EHMT1: variants seen among roughly 807,000 people sequenced by gnomAD.
The protein encoded by EHMT1 is euchromatic histone lysine methyltransferase 1, also known as histone-lysine N-methyltransferase EHMT1.
Under a neutral mutation model 147.2 loss-of-function variants are expected in EHMT1, and 15 were observed. The observed-to-expected ratio is 0.10, with a 90% CI of 0.07 to 0.16. The LOEUF (loss-of-function observed/expected upper bound fraction) is 0.16, where lower values mean the gene tolerates loss of function less well. EHMT1 is among the 10% of genes least tolerant of loss of function. The pLI is 1.00. For missense variants in EHMT1, 1,587 were observed against 1,772.4 expected, an observed-to-expected ratio of 0.90 and a Z score of 1.88; for synonymous variants, 795 against 709.6, an observed-to-expected ratio of 1.12 and a Z score of -1.91.
intron 1 of EHMT1, among the ~76,000 whole-genome samples, chr9:137,640,301 G>T (rs971509153): frequency 1.3e-5 from 2 of 151,942 alleles, no homozygotes; most frequent in Non-Finnish European, 1.5e-5. Flanking sequence ...GTGTTTTAGA[G>T]ACCTGGTCTT....
At chr9:137,651,986 A>G (rs182566741) in intron 1 of EHMT1, among the ~76,000 whole-genome samples, 2 of 152,340 alleles carry the variant, frequency 1.3e-5, no homozygotes, top group Admixed American at 1.3e-4. Context: ...CTCCTATGTT[A>G]CTGGTGTATG....
At chr9:137,639,830 G>T (rs1215738046) in intron 1 of EHMT1, among the ~76,000 whole-genome samples, 1 of 152,134 alleles carries the variant, frequency 6.6e-6, no homozygotes, top group Non-Finnish European at 1.5e-5. Flanking sequence ...AGACTGCAAG[G>T]ATGTCTGTTG....
At chr9:137,621,634 A>C (rs1407524198) in intron 1 of EHMT1, among the ~76,000 whole-genome samples, 1 of 152,098 alleles carries the variant, frequency 6.6e-6, no homozygotes, top group Non-Finnish European at 1.5e-5. Flanking sequence ...AAGAAAAAAA[A>C]CTACTGAGGT....
chr9:137,717,249 A>T, intron 3 of EHMT1, 67 bp downstream of exon 3: 1 of 1,570,792 alleles, frequency 6.4e-7, no homozygotes, highest in Non-Finnish European at 8.6e-7. Context: ...CGGCAAATGG[A>T]CTTTGGTGCA....
intron 18 of EHMT1, among the ~76,000 whole-genome samples, chr9:137,807,163 TTTCCAGTA>T: frequency 6.6e-6 from 1 of 152,352 alleles, no homozygotes; most frequent in African/African-American, 2.4e-5. Context: ...CCCACCACGC[TTTCCAGTA>T]TTCCAGCTGT....
chr9:137,704,634 A>G (rs1944099091), intron 1 of EHMT1, among the ~76,000 whole-genome samples: 1 of 151,840 alleles, frequency 6.6e-6, no homozygotes, highest in Non-Finnish European at 1.5e-5. Context: ...GCTGCTTGGT[A>G]TCCTCTCTTC....
chr9:137,724,277 C>T (rs1183035346), intron 3 of EHMT1, among the ~76,000 whole-genome samples: 1 of 152,048 alleles, frequency 6.6e-6, no homozygotes, highest in Non-Finnish European at 1.5e-5. Context: ...CACCGCCCCA[C>T]CCCCGCCCTG....
At chr9:137,657,796 C>T (rs1375378444) in intron 1 of EHMT1, among the ~76,000 whole-genome samples, 1 of 151,918 alleles carries the variant, frequency 6.6e-6, no homozygotes. Context: ...ATTTCTACCC[C>T]CACTCCCCAC....
chr9:137,759,020 G>A (rs912300247), intron 9 of EHMT1, among the ~76,000 whole-genome samples: 5 of 151,946 alleles, frequency 3.3e-5, no homozygotes, highest in East Asian at 1.9e-4. Context: ...CCAGCTACTC[G>A]GGAGGCTGAG....
At chr9:137,736,618 C>T (rs79032966) in intron 4 of EHMT1, among the ~76,000 whole-genome samples, 4,384 of 152,330 alleles carry the variant, frequency 0.029, 77 homozygotes, top group Middle Eastern at 0.061. Context: ...GAGCCGGGCG[C>T]GATGGCGCAC....
chr9:137,788,040 G>A, intron 15 of EHMT1: 1 of 1,370,988 alleles, frequency 7.3e-7, no homozygotes, highest in Non-Finnish European at 1.0e-6. Flanking sequence ...GAGGGTTGAG[G>A]GCCTGATGGC....
chr9:137,809,038 A>G (rs1954187527), intron 18 of EHMT1, among the ~76,000 whole-genome samples: 1 of 152,216 alleles, frequency 6.6e-6, no homozygotes, highest in African/African-American at 2.4e-5. Context: ...TCTGAAATGT[A>G]TGGAGGAGGG....
intron 1 of EHMT1, chr9:137,664,852 GT>G (rs1269057274): frequency 6.6e-6 from 1 of 152,200 alleles, no homozygotes; most frequent in African/African-American, 2.4e-5. Flanking sequence ...TGAACTTGGA[GT>G]CCCATGTCTG....
In EHMT1 at chr9:137,835,071, T is replaced by C; in HGVS notation, c.*118T>C. ...GGTCCTTCGGGGCTGCGCCGCCGGC[T>C]TCCTGGAGGGGTCGGAGGTGAGGCT... On this transcript the variant is annotated 3_prime_UTR_variant, in exon 27 of 27. Transcript: ENST00000460843. 1.6e-6 allele frequency: 2 copies of C among 1,213,016 alleles called. No individual in the cohort carries two copies. The highest frequency in any genetic ancestry group is 2.1e-6 in the Non-Finnish European group (2 of 941,534). The allele number at this position is 1,213,016 out of a possible 1,614,324, so 75.1% of individuals were successfully genotyped here. A position where few individuals can be genotyped will look rare whatever the true frequency, so the allele number is the denominator to read the frequency against.
In EHMT1 at chr9:137,775,074, C is replaced by T; in HGVS notation, c.1648-35C>T. 1 of 1,613,926 alleles carries T rather than the reference C, an allele frequency of 6.2e-7. No homozygotes were observed. The highest frequency in any genetic ancestry group is 8.5e-7 in the Non-Finnish European group (1 of 1,180,008). On this transcript the variant is annotated intron_variant, in intron 10 of 26. Transcript: ENST00000460843. This position sits in a 1 kb window ranked among gnomAD's most constrained non-coding sequence, Gnocchi z 6.1. ...GGGAGGGAATGCCGGCCTCTCGTGA[C>T]TCTGACATTGACCACCAGTCTTGTC...
intron 19 of EHMT1, 148 bp downstream of exon 19, chr9:137,811,763 C>G: frequency 9.2e-7 from 1 of 1,088,128 alleles, no homozygotes; most frequent in Non-Finnish European, 1.4e-6. Flanking sequence ...CTTGGTGTTC[C>G]ACACGCAGAG....
rs201749914 is a variant in EHMT1 at position 137,776,579 on chromosome 9, A to G, written c.1792-39A>G. On this transcript the variant is annotated intron_variant, in intron 11 of 26. Coordinates refer to ENST00000460843, the MANE Select transcript of EHMT1 (RefSeq NM_024757.5). This position sits in a 1 kb window ranked among gnomAD's most constrained non-coding sequence, Gnocchi z 4.4. ...CTTTATTTTTCTAAATATTAACCCC[A>G]ATTAAAACAAAAATTTTTTTTTGTC... The G allele has an allele frequency of 3.3e-4, 526 of 1,608,524 alleles. 4 individuals carry two copies. The East Asian group carries it at 0.01, about 31-fold the overall frequency.
Position 137,732,753 on chromosome 9 carries a change from A to G in EHMT1, c.823+4224A>G, listed in dbSNP as rs770195345. The stretch of plus-strand genomic sequence containing the variant: ...GGGACCTGCTCCTATCTGCCTAGGA[A>G]TTTGTCTGCCATTATCACTTTTATT... On this transcript the variant is annotated intron_variant, in intron 4 of 26. Coordinates refer to ENST00000460843, the MANE Select transcript of EHMT1 (RefSeq NM_024757.5). The surrounding 1 kb of genome is among the most constrained non-coding windows in gnomAD (Gnocchi z 4.6). Among the ~76,000 whole-genome samples, 15 of 152,078 alleles carry G rather than the reference A, an allele frequency of 9.9e-5. No homozygotes were observed. The highest frequency in any genetic ancestry group is 2.1e-4 in the Non-Finnish European group (14 of 68,010).
At chr9:137,694,858 G>C (rs1182049993) in intron 1 of EHMT1, among the ~76,000 whole-genome samples, 1 of 152,250 alleles carries the variant, frequency 6.6e-6, no homozygotes, top group Non-Finnish European at 1.5e-5. Context: ...AGGTAAACCA[G>C]ATTGTCAGAA....
Sources: gnomAD v4.1 joint callset for allele counts (sites outside exome capture counted in the v4.1 genomes callset) on GRCh38, gnomAD v4.1.1 for gene constraint, Gnocchi (gnomAD v3.1) non-coding constraint, MANE v1.5 for transcripts, NCBI Gene and HGNC (gene_info 2026-07-23, HGNC 2026-07-21) for gene names.